The following FBLN2 variants were observed in gnomAD, a reference collection of about 807,000 sequenced individuals.
FBLN2 encodes the protein fibulin-2.
A neutral mutation model predicts 123.7 loss-of-function variants in FBLN2; 81 were observed. That is an observed-to-expected ratio of 0.65 (90% CI 0.55 to 0.79). The LOEUF (loss-of-function observed/expected upper bound fraction) is 0.79, where lower values mean the gene tolerates loss of function less well. Ranked by LOEUF, FBLN2 falls within the 30% of genes least tolerant of loss-of-function variation. The pLI, the probability that FBLN2 is intolerant of heterozygous loss-of-function variation, is 0.00. For missense variants in FBLN2, 1,603 were observed against 1,681.3 expected (o/e 0.95, Z 0.81); for synonymous variants, 699 against 701.4 (o/e 1.00, Z 0.05).
At chr3:13,608,273 A>G in intron 3 of FBLN2, 100 bp downstream of exon 3, 1 of 785,416 alleles carries the variant, frequency 1.3e-6, no homozygotes, top group Non-Finnish European at 2.1e-6. Context: ...GAGAGAGTGC[A>G]CCTTCACATG....
At chr3:13,596,773 T>A (rs1704855823) in intron 2 of FBLN2, among the ~76,000 whole-genome samples, 1 of 150,784 alleles carries the variant, frequency 6.6e-6, no homozygotes, top group African/African-American at 2.4e-5. Context: ...ATGAATTGAC[T>A]ACTCTAAGGA....
At chr3:13,628,809 C>G in intron 11 of FBLN2, 96 bp from the exon 12 acceptor site, 2 of 1,447,112 alleles carry the variant, frequency 1.4e-6, no homozygotes, top group Non-Finnish European at 1.9e-6. Flanking sequence ...AGGTCTGGAG[C>G]CCAGGACCGA....
chr3:13,616,389 G>A (rs1705604196), intron 5 of FBLN2, among the ~76,000 whole-genome samples: 1 of 152,186 alleles, frequency 6.6e-6, no homozygotes, highest in Non-Finnish European at 1.5e-5. Flanking sequence ...GAAGATGCTG[G>A]TGAGGGTGAG....
At chr3:13,619,495 G>A (rs1220193225) in intron 7 of FBLN2, among the ~76,000 whole-genome samples, 4 of 152,242 alleles carry the variant, frequency 2.6e-5, no homozygotes, top group African/African-American at 9.6e-5. Flanking sequence ...GATCCGAGTG[G>A]TGGGGGAGGT....
intron 2 of FBLN2, among the ~76,000 whole-genome samples, chr3:13,589,387 C>G (rs1376091254): frequency 6.6e-6 from 1 of 152,060 alleles, no homozygotes; most frequent in Non-Finnish European, 1.5e-5. Context: ...TCTCACAGCC[C>G]CTCCCACCCA....
At chr3:13,585,247 C>T (rs1198731248) in intron 2 of FBLN2, among the ~76,000 whole-genome samples, 6 of 152,198 alleles carry the variant, frequency 3.9e-5, no homozygotes, top group East Asian at 1.9e-4. Context: ...TCCTGCTTGG[C>T]GTGAGGCTGG....
intron 1 of FBLN2, among the ~76,000 whole-genome samples, chr3:13,553,503 G>A (rs1037050135): frequency 2.0e-5 from 3 of 152,162 alleles, no homozygotes; most frequent in African/African-American, 7.2e-5. Flanking sequence ...ACCACTGCAC[G>A]CCCACACCAC....
At position 13,551,878 on chromosome 3, in the gene FBLN2, C is replaced by T. The variant is rs187090938; in HGVS notation, c.-42+2670C>T. Among the ~76,000 whole-genome samples the T allele has an allele frequency of 2.7e-3, 391 of 146,150 alleles. 3 individuals carry two copies. The highest frequency in any genetic ancestry group is 8.6e-3 in the Admixed American group (124 of 14,422). On this transcript the variant is annotated intron_variant, in intron 1 of 17. Coordinates refer to ENST00000404922, the MANE Select transcript of FBLN2 (RefSeq NM_001004019.2). ...TTTTTTTTTAAAGACAGGATCTCGT[C>T]CTGTCTCTCAGGCTGGAGTGCAGTG...
chr3:13,563,917 T>C (rs1235384488), intron 1 of FBLN2, among the ~76,000 whole-genome samples: 1 of 152,080 alleles, frequency 6.6e-6, no homozygotes, highest in Admixed American at 6.5e-5. Context: ...CCTCCTGGTG[T>C]GGACAAGAGA....
intron 16 of FBLN2, among the ~76,000 whole-genome samples, chr3:13,635,712 T>C (rs993310928): frequency 1.1e-4 from 17 of 152,148 alleles, no homozygotes; most frequent in African/African-American, 4.1e-4. Flanking sequence ...TGGACTTCCA[T>C]CCAGCAAGAA....
chr3:13,624,998 T>C (rs1031220663), intron 9 of FBLN2, among the ~76,000 whole-genome samples: 4 of 151,518 alleles, frequency 2.6e-5, no homozygotes, highest in Admixed American at 1.3e-4. Context: ...CCGGGGGTGG[T>C]TTCTGAGTTG....
At chr3:13,596,113 CT>C (rs1704832859) in intron 2 of FBLN2, among the ~76,000 whole-genome samples, 3 of 152,334 alleles carry the variant, frequency 2.0e-5, no homozygotes, top group East Asian at 3.9e-4. Context: ...TTTTTAACAG[CT>C]GCATACGATT....
chr3:13,568,799 G>A, intron 1 of FBLN2: 1 of 985,684 alleles, frequency 1.0e-6, no homozygotes, highest in South Asian at 4.7e-5. Flanking sequence ...GTTCTCTACA[G>A]ATTTGCTCTT....
chr3:13,620,857 C>T (rs753903982), intron 8 of FBLN2, among the ~76,000 whole-genome samples: 3 of 152,222 alleles, frequency 2.0e-5, no homozygotes, highest in Non-Finnish European at 2.9e-5. Context: ...GGACAAACAC[C>T]GTCCTACGAG....
intron 3 of FBLN2, among the ~76,000 whole-genome samples, chr3:13,609,077 C>T (rs919428425): frequency 1.3e-5 from 2 of 152,198 alleles, no homozygotes; most frequent in African/African-American, 2.4e-5. Flanking sequence ...TAATCCCCGC[C>T]GCCCTGTCCT....
intron 1 of FBLN2, among the ~76,000 whole-genome samples, chr3:13,556,610 C>G (rs184192523): frequency 5.9e-5 from 9 of 152,344 alleles, no homozygotes; most frequent in African/African-American, 2.2e-4. Flanking sequence ...CTGCCAGTCC[C>G]TGTGTGACCC....
chr3:13,561,514 T>A (rs1484745081), intron 1 of FBLN2, among the ~76,000 whole-genome samples: 1 of 152,104 alleles, frequency 6.6e-6, no homozygotes, highest in African/African-American at 2.4e-5. Context: ...CTGCAGTGTG[T>A]CAGGCTGGTT....
intron 11 of FBLN2, among the ~76,000 whole-genome samples, chr3:13,628,453 A>G (rs1453420323): frequency 6.6e-6 from 1 of 152,160 alleles, no homozygotes; most frequent in Non-Finnish European, 1.5e-5. Context: ...TCGAGGGTTG[A>G]GACTTAACAG....
intron 1 of FBLN2, among the ~76,000 whole-genome samples, chr3:13,559,899 G>A (rs755775247): frequency 1.5e-4 from 23 of 152,204 alleles, no homozygotes; most frequent in Non-Finnish European, 2.6e-4. Flanking sequence ...CGCCCCAGGC[G>A]GGGCATGGGT....
Sources: allele counts gnomAD v4.1 joint callset (sites outside exome capture counted in the v4.1 genomes callset), GRCh38; gene constraint gnomAD v4.1.1; transcripts MANE v1.5; gene names NCBI Gene and HGNC (gene_info 2026-07-23, HGNC 2026-07-21).